The following SHANK2 variants were observed in gnomAD, a reference collection of about 807,000 sequenced individuals.
SHANK2 encodes the protein SH3 and multiple ankyrin repeat domains protein 2.
SHANK2 carries 43 observed loss-of-function variants against 133.7 expected under a neutral mutation model. The observed-to-expected ratio is 0.32, with a 90% confidence interval of 0.25 to 0.41. The LOEUF (loss-of-function observed/expected upper bound fraction) is 0.41, where lower values mean the gene tolerates loss of function less well. Ranked by LOEUF, SHANK2 falls within the 10% of genes least tolerant of loss-of-function variation. The pLI is 1.00. For synonymous variants in SHANK2, 1,017 were observed against 952.8 expected, an observed-to-expected ratio of 1.07 and a Z score of -1.24; for missense variants, 1,994 against 2,235.8, an observed-to-expected ratio of 0.89 and a Z score of 2.18.
chr11:70,889,009 T>C (rs553499504), intron 11 of SHANK2, among the ~76,000 whole-genome samples: 1 of 152,108 alleles, frequency 6.6e-6, no homozygotes, highest in East Asian at 1.9e-4. Context: ...ACAAAAGTCA[T>C]GAAGCAATGT....
intron 10 of SHANK2, among the ~76,000 whole-genome samples, chr11:70,947,715 G>A (rs539259366): frequency 3.9e-5 from 6 of 152,188 alleles, no homozygotes; most frequent in East Asian, 3.9e-4. Flanking sequence ...ACCCATGTGC[G>A]TCCTGTGGTT....
chr11:70,665,238 G>A (rs1944657153), intron 15 of SHANK2, among the ~76,000 whole-genome samples: 1 of 152,140 alleles, frequency 6.6e-6, no homozygotes, highest in African/African-American at 2.4e-5. Flanking sequence ...ACCCCAGGCA[G>A]TACGTGATCC....
At chr11:71,235,565 C>T (rs1230039920) in intron 1 of SHANK2, among the ~76,000 whole-genome samples, 1 of 150,732 alleles carries the variant, frequency 6.6e-6, no homozygotes, top group Non-Finnish European at 1.5e-5. Flanking sequence ...TGCACTCCAG[C>T]CTGGGCAACA....
intron 17 of SHANK2, among the ~76,000 whole-genome samples, chr11:70,578,142 A>C (rs1481134995): frequency 6.6e-6 from 1 of 152,174 alleles, no homozygotes; most frequent in East Asian, 1.9e-4. Context: ...GTGCGGTGCC[A>C]TGGCATCTCA....
At chr11:71,070,528 C>T (rs1277673839) in intron 9 of SHANK2, among the ~76,000 whole-genome samples, 7 of 152,110 alleles carry the variant, frequency 4.6e-5, no homozygotes, top group African/African-American at 1.4e-4. Context: ...CTCCATACTA[C>T]CTCCAGAGGC....
intron 14 of SHANK2, among the ~76,000 whole-genome samples, chr11:70,704,452 A>AC (rs1223400679): frequency 9.2e-5 from 14 of 152,140 alleles, no homozygotes; most frequent in African/African-American, 3.4e-4. Context: ...CAAGCAGCCC[A>AC]CCCGGCACAC....
Position 71,073,147 on chromosome 11 carries a change from C to CTTTTTTTTTGTTTTTTTTTTTTTTT in SHANK2, c.1029+2011_1029+2012insAAAAAAAAAAAAAAACAAAAAAAAA. The stretch of plus-strand genomic sequence containing the variant: ...TTTTTGTTTTTTTTCTTTTTCTTTT[C>CTTTTTTTTTGTTTTTTTTTTTTTTT]TTTTTTTTCTTTTTTTTCTTTTTTT... On this transcript the variant is annotated intron_variant, in intron 9 of 25. Coordinates refer to ENST00000601538, the MANE Select transcript of SHANK2 (RefSeq NM_012309.5). 3.2e-5 allele frequency among the ~76,000 whole-genome samples: 2 copies of CTTTTTTTTTGTTTTTTTTTTTTTTT among 62,758 alleles called. 1 individual carries two copies. Among genetic ancestry groups the CTTTTTTTTTGTTTTTTTTTTTTTTT allele is most frequent in the South Asian group, 1.8e-3 (2 of 1,102 alleles). 41.2% of individuals were successfully genotyped at this position (62,758 alleles called of 152,430 possible).
chr11:71,192,818 G>A (rs1220759310), intron 2 of SHANK2, among the ~76,000 whole-genome samples: 1 of 152,240 alleles, frequency 6.6e-6, no homozygotes, highest in African/African-American at 2.4e-5. Flanking sequence ...TCATAAAGGT[G>A]ATAGGAAAAG....
chr11:70,661,420 T>C (rs1045245399), intron 16 of SHANK2, among the ~76,000 whole-genome samples, 176 bp downstream of exon 16: 1 of 152,132 alleles, frequency 6.6e-6, no homozygotes, highest in Non-Finnish European at 1.5e-5. Context: ...AACATGGTTG[T>C]CTAGCAACTG....
intron 15 of SHANK2, among the ~76,000 whole-genome samples, chr11:70,681,723 G>A (rs921796006): frequency 1.8e-4 from 27 of 152,104 alleles, no homozygotes; most frequent in African/African-American, 6.5e-4. Flanking sequence ...TTTGGGAGGC[G>A]ACCCAAGCCC....
At chr11:70,709,999 A>C (rs1382475170) in intron 14 of SHANK2, among the ~76,000 whole-genome samples, 1 of 152,074 alleles carries the variant, frequency 6.6e-6, no homozygotes, top group Non-Finnish European at 1.5e-5. Flanking sequence ...GAACACTGAG[A>C]TTCCCTGGCC....
At chr11:71,184,314 A>G (rs1953627827) in intron 2 of SHANK2, among the ~76,000 whole-genome samples, 1 of 152,124 alleles carries the variant, frequency 6.6e-6, no homozygotes, top group Non-Finnish European at 1.5e-5. Context: ...CTGGTCAAAC[A>G]ACCATGGTCT....
intron 14 of SHANK2, among the ~76,000 whole-genome samples, chr11:70,764,159 C>T (rs570256557): frequency 2.3e-5 from 3 of 129,988 alleles, no homozygotes; most frequent in African/African-American, 8.7e-5. Flanking sequence ...TCCCCTCTCT[C>T]TTTTGTCCAT....
intron 6 of SHANK2, among the ~76,000 whole-genome samples, chr11:71,109,555 G>A (rs1263149732): frequency 6.6e-6 from 1 of 152,192 alleles, no homozygotes; most frequent in Non-Finnish European, 1.5e-5. Flanking sequence ...CCCATCTGCT[G>A]GGCTGCCCGT....
intron 14 of SHANK2, among the ~76,000 whole-genome samples, chr11:70,729,200 A>AG (rs1946231865): frequency 6.6e-6 from 1 of 151,448 alleles, no homozygotes; most frequent in Non-Finnish European, 1.5e-5. Context: ...TCATCTAAAA[A>AG]AAAATTAAAA....
At chr11:70,490,473 C>G (rs1227456200) in intron 22 of SHANK2, 86 bp from the exon 23 acceptor site, 1 of 1,149,408 alleles carries the variant, frequency 8.7e-7, no homozygotes, top group Non-Finnish European at 1.3e-6. Context: ...AAGGGAACTT[C>G]CGTCACTGTG....
chr11:70,724,615 A>C (rs1946141339), intron 14 of SHANK2, among the ~76,000 whole-genome samples: 1 of 152,180 alleles, frequency 6.6e-6, no homozygotes. Context: ...AGAGGATGCA[A>C]GAGGTCCAGA....
intron 17 of SHANK2, among the ~76,000 whole-genome samples, chr11:70,595,501 C>T (rs780759533): frequency 5.3e-5 from 8 of 152,158 alleles, no homozygotes; most frequent in East Asian, 1.9e-4. Flanking sequence ...GAAAACCACA[C>T]GCTGGCCCAG....
rs1035287691 is a variant in SHANK2 at position 70,483,478 on chromosome 11, C to G, written c.4979+1836G>C. On this transcript the variant is annotated intron_variant, in intron 25 of 25. Coordinates refer to ENST00000601538, the MANE Select transcript of SHANK2 (RefSeq NM_012309.5). ...CTTTGGGAGGCTGAGGTGAGTGGTT[C>G]GTTTGAGCCCAGGAGTTCGAGACCA... is the stretch of plus-strand genomic sequence containing the variant. 6.0e-5 allele frequency among the ~76,000 whole-genome samples: 8 copies of G among 132,458 alleles called. No homozygotes were observed. In the South Asian group the frequency reaches 1.7e-3, roughly 28 times the overall value. The allele number at this position is 132,458 out of a possible 152,430, so 86.9% of individuals were successfully genotyped here.
Sources: allele counts gnomAD v4.1 joint callset (sites outside exome capture counted in the v4.1 genomes callset), GRCh38; gene constraint gnomAD v4.1.1; transcripts MANE v1.5; gene names NCBI Gene and HGNC (gene_info 2026-07-23, HGNC 2026-07-21).